The following GPBP1L1 variants were observed in gnomAD, a reference collection of about 807,000 sequenced individuals.
GPBP1L1 encodes the protein GC-rich promoter binding protein 1 like 1.
A neutral mutation model predicts 52.5 loss-of-function variants in GPBP1L1; 23 were observed. The ratio of observed to expected loss-of-function variants is 0.44; its 90% confidence interval spans 0.32 to 0.62. The LOEUF (loss-of-function observed/expected upper bound fraction) is 0.62. GPBP1L1 is among the 20% of genes least tolerant of loss of function. The pLI is 0.06. For missense variants in GPBP1L1, 596 were observed against 579.3 expected, an observed-to-expected ratio of 1.03 and a Z score of -0.30; for synonymous variants, 243 against 203.1, an observed-to-expected ratio of 1.20 and a Z score of -1.67.
chr1:45,634,042 G>C, intron 9 of GPBP1L1, 54 bp downstream of exon 9: 2 of 1,531,136 alleles, frequency 1.3e-6, no homozygotes, highest in Non-Finnish European at 1.8e-6. Flanking sequence ...TGTTATCTAA[G>C]TGAACGGGAA....
intron 4 of GPBP1L1, chr1:45,655,580 C>T (rs996397362): frequency 3.5e-5 from 10 of 284,620 alleles, no homozygotes; most frequent in Non-Finnish European, 4.5e-5. Flanking sequence ...TGAAAGGAGG[C>T]GGAGGGGAAA....
At position 45,633,632 on chromosome 1, in the gene GPBP1L1, T is replaced by C. The variant is rs915930194; in HGVS notation, c.901A>G (p.Thr301Ala). ...SSPKESPSST[T>A]PPIEISSSRL... is the part of the protein sequence containing the mutation. ...GAGGAGCTGATCTCAATTGGAGGGG[T>C]GGTGCTGGAGGGACTCTGGGCAAAT... The change falls in exon 10 of 13, where the codon ACC becomes GCC. Residue 301 changes from threonine to alanine, a missense_variant. Thr to Ala is a moderately conservative substitution (Grantham distance 58). Coordinates refer to ENST00000355105, the MANE Select transcript of GPBP1L1 (RefSeq NM_021639.5). The C allele has an allele frequency of 6.2e-7, 1 of 1,613,542 alleles. No homozygotes were observed. The highest frequency in any genetic ancestry group is 8.5e-7 in the Non-Finnish European group (1 of 1,179,862).
In GPBP1L1 at chr1:45,660,247, G is replaced by A; in HGVS notation, c.-119C>T. On this transcript the variant is annotated 5_prime_UTR_variant, in exon 3 of 13. Transcript: ENST00000355105. ...AGTCGGCCAGCTGGATCTCCCACAAGGTTTCCTTGTTAAAAGGGTGCTTAA... is the reference window on the plus strand; with the variant it reads ...AGTCGGCCAGCTGGATCTCCCACAAAGTTTCCTTGTTAAAAGGGTGCTTAA... 2 of 985,326 alleles carry A rather than the reference G, an allele frequency of 2.0e-6. No homozygotes were observed. Among genetic ancestry groups the A allele is most frequent in the Non-Finnish European group, 2.4e-6 (2 of 829,918 alleles). The allele number at this position is 985,326 out of a possible 1,614,324, so 61.0% of individuals were successfully genotyped here.
chr1:45,668,707 AT>A (rs1394268967), intron 2 of GPBP1L1, among the ~76,000 whole-genome samples: 5 of 152,330 alleles, frequency 3.3e-5, no homozygotes, highest in Admixed American at 3.3e-4. Flanking sequence ...GCATCTACAT[AT>A]TAGGCTGAAC....
chr1:45,683,203 C>CTTTTTTT (rs764606358), intron 2 of GPBP1L1, among the ~76,000 whole-genome samples: 2 of 83,782 alleles, frequency 2.4e-5, no homozygotes, highest in African/African-American at 5.3e-5. Context: ...GAATATAGGC[C>CTTTTTTT]TTTTTTTTTT....
At chr1:45,645,560 A>G (rs1359608244) in intron 6 of GPBP1L1, among the ~76,000 whole-genome samples, 1 of 152,184 alleles carries the variant, frequency 6.6e-6, no homozygotes, top group Non-Finnish European at 1.5e-5. Flanking sequence ...TCCCACTTTA[A>G]AAAAGTTATA....
chr1:45,634,564 C>A, intron 8 of GPBP1L1: 1 of 196,868 alleles, frequency 5.1e-6, no homozygotes, highest in Non-Finnish European at 1.0e-5. Context: ...AAGCACTTAA[C>A]TGCACATAAG....
At chr1:45,659,490 G>A (rs1204828694) in intron 3 of GPBP1L1, among the ~76,000 whole-genome samples, 2 of 152,070 alleles carry the variant, frequency 1.3e-5, no homozygotes, top group African/African-American at 2.4e-5. Flanking sequence ...GAGTCACTGC[G>A]CCCAGTGAAT....
In GPBP1L1 at chr1:45,654,571, T is replaced by C; in HGVS notation, c.449A>G (p.Glu150Gly). ...IREEKKEDKV[E>G]KLQFEEEDFP... is the part of the protein sequence containing the mutation. ...GTCCTCCTCTTCAAACTGCAACTTT[T>C]CCACCTTGTCTTCTTTCTTTTCTTC... Residue 150 changes from glutamate (E) to glycine (G), a missense_variant, in exon 6 of 13, where the codon GAA becomes GGA. Glu to Gly is a moderately conservative substitution (Grantham distance 98). Transcript: ENST00000355105. 1 of 1,611,900 alleles carries C rather than the reference T, an allele frequency of 6.2e-7. No homozygotes were observed. The highest frequency in any genetic ancestry group is 8.5e-7 in the Non-Finnish European group (1 of 1,178,140).
intron 2 of GPBP1L1, among the ~76,000 whole-genome samples, chr1:45,680,347 T>C (rs1478498897): frequency 6.6e-6 from 1 of 151,536 alleles, no homozygotes; most frequent in African/African-American, 2.4e-5. Flanking sequence ...CCAGTGATTC[T>C]AGTGCCTCAG....
chr1:45,629,847 G>T, intron 11 of GPBP1L1, 169 bp from the exon 12 acceptor site: 2 of 574,274 alleles, frequency 3.5e-6, no homozygotes, highest in Non-Finnish European at 6.2e-6. Flanking sequence ...CCTGGGTGCT[G>T]TAAATAAATG....
chr1:45,672,225 G>A (rs893524534), intron 2 of GPBP1L1, among the ~76,000 whole-genome samples: 1 of 152,004 alleles, frequency 6.6e-6, no homozygotes, highest in Non-Finnish European at 1.5e-5. Context: ...GCTGGGCATG[G>A]TGGCCAGGCG....
chr1:45,650,446 C>T (rs144031020), intron 6 of GPBP1L1, among the ~76,000 whole-genome samples: 2 of 152,280 alleles, frequency 1.3e-5, no homozygotes, highest in African/African-American at 4.8e-5. Context: ...AAACAAAAAC[C>T]TATCTGTCAA....
At chr1:45,638,911 T>C (rs1219932578) in intron 8 of GPBP1L1, among the ~76,000 whole-genome samples, 1 of 152,240 alleles carries the variant, frequency 6.6e-6, no homozygotes, top group Non-Finnish European at 1.5e-5. Context: ...AGTTTGGCTA[T>C]GAGAAACTTC....
chr1:45,661,650 T>A (rs1443236258), intron 2 of GPBP1L1, among the ~76,000 whole-genome samples: 1 of 152,072 alleles, frequency 6.6e-6, no homozygotes, highest in Admixed American at 6.6e-5. Context: ...AGACATGGGG[T>A]TTCACTATGT....
At chr1:45,674,003 G>A (rs536367786) in intron 2 of GPBP1L1, among the ~76,000 whole-genome samples, 11 of 152,292 alleles carry the variant, frequency 7.2e-5, no homozygotes, top group East Asian at 5.8e-4. Flanking sequence ...TCTTGAACAC[G>A]GGAGCGGGAG....
At chr1:45,669,389 G>A (rs1452062029) in intron 2 of GPBP1L1, among the ~76,000 whole-genome samples, 1 of 152,280 alleles carries the variant, frequency 6.6e-6, no homozygotes, top group East Asian at 1.9e-4. Context: ...GGCCTCAAGG[G>A]GCCCTTCTGC....
chr1:45,664,236 C>CG (rs1465052946), intron 2 of GPBP1L1, among the ~76,000 whole-genome samples: 1 of 152,002 alleles, frequency 6.6e-6, no homozygotes, highest in Non-Finnish European at 1.5e-5. Context: ...AGGAGAATGG[C>CG]GGGAACCCGG....
At chr1:45,648,141 C>T (rs1389177539) in intron 6 of GPBP1L1, among the ~76,000 whole-genome samples, 3 of 152,008 alleles carry the variant, frequency 2.0e-5, no homozygotes, top group Non-Finnish European at 2.9e-5. Context: ...AGTTTCACCA[C>T]GTTGCCCAGG....
Sources: allele counts gnomAD v4.1 joint callset (sites outside exome capture counted in the v4.1 genomes callset), GRCh38; gene constraint gnomAD v4.1.1; transcripts MANE v1.5; gene names NCBI Gene and HGNC (gene_info 2026-07-23, HGNC 2026-07-21).